Variants in PRSS41 observed in about 807,000 individuals in gnomAD.
The protein encoded by PRSS41 is serine protease 41.
A neutral mutation model predicts 28.8 loss-of-function variants in PRSS41; 37 were observed. The ratio of observed to expected loss-of-function variants is 1.29; its 90% CI spans 0.99 to 1.69. The LOEUF is 1.69. Ranked by LOEUF, PRSS41 falls within the 40% of genes most tolerant of loss-of-function variation. The pLI is 0.00. For synonymous variants in PRSS41, 195 were observed against 163.1 expected, an observed-to-expected ratio of 1.20 and a Z score of -1.49; for missense variants, 431 against 400.7, an observed-to-expected ratio of 1.08 and a Z score of -0.65.
intron 4 of PRSS41, among the ~76,000 whole-genome samples, chr16:2,803,805 A>T (rs1171673638): frequency 6.6e-6 from 1 of 152,174 alleles, no homozygotes; most frequent in Non-Finnish European, 1.5e-5. Context: ...TTTTCCTGAT[A>T]TAAAATTCTT....
At chr16:2,801,691 A>G (rs1332115869) in intron 4 of PRSS41, among the ~76,000 whole-genome samples, 11 of 151,698 alleles carry the variant, frequency 7.3e-5, no homozygotes, top group South Asian at 2.1e-4. Flanking sequence ...CCAAGGCAGA[A>G]GAATTTTTCT....
At position 2,802,860 on chromosome 16, in the gene PRSS41, GGGGAGAGGGAGA is replaced by G. The variant is rs373843276; in HGVS notation, c.542-1506_542-1495del. Among the ~76,000 whole-genome samples the G allele has an allele frequency of 6.2e-3, 932 of 150,076 alleles. 10 individuals are homozygous for G. The highest frequency in any genetic ancestry group is 0.024 in the South Asian group (115 of 4,806). ...CGGCTCCGCATGAGAGGGAGACCGT[GGGGAGAGGGAGA>G]GGGAGAGGGAGAGGGAGAGGGACGT... On this transcript the variant is annotated intron_variant, in intron 4 of 5. Coordinates refer to ENST00000399677, the Ensembl canonical transcript of PRSS41.
At chr16:2,800,542 CAAAA>C (rs56393015) in intron 4 of PRSS41, among the ~76,000 whole-genome samples, 29 of 81,942 alleles carry the variant, frequency 3.5e-4, no homozygotes, top group African/African-American at 1.0e-3. Flanking sequence ...GACTCCATCT[CAAAA>C]AAAAAAAAAA....
At chr16:2,804,198 A>G (rs1206853359) in intron 4 of PRSS41, among the ~76,000 whole-genome samples, 191 bp from the exon 5 acceptor site, 1 of 152,146 alleles carries the variant, frequency 6.6e-6, no homozygotes, top group Non-Finnish European at 1.5e-5. Context: ...TGGCCCATCT[A>G]TTGGGTTATT....
chr16:2,801,736 A>T (rs1230348225), intron 4 of PRSS41, among the ~76,000 whole-genome samples: 2 of 152,144 alleles, frequency 1.3e-5, no homozygotes, highest in Non-Finnish European at 2.9e-5. Context: ...TCCCATGTCT[A>T]CCTCTTTCTA....
intron 3 of PRSS41, 58 bp from the exon 4 acceptor site, chr16:2,799,228 T>C: frequency 1.3e-6 from 2 of 1,532,092 alleles, no homozygotes; most frequent in Non-Finnish European, 1.8e-6. Flanking sequence ...GCCTCCAGCG[T>C]GCTCAGGCGG....
chr16:2,801,432 A>G (rs2068985565), intron 4 of PRSS41, among the ~76,000 whole-genome samples: 1 of 150,466 alleles, frequency 6.6e-6, no homozygotes, highest in African/African-American at 2.5e-5. Context: ...AGGGAAGGTC[A>G]GCAGATAAAC....
Position 2,798,641 on chromosome 16 carries a change from CA to C in PRSS41, c.71del (p.Gln24ArgfsTer38). The C allele has an allele frequency of 6.7e-7, 1 of 1,495,460 alleles. No individual in the cohort carries two copies. The highest frequency in any genetic ancestry group is 2.4e-5 in the Admixed American group (1 of 41,150). The allele number at this position is 1,495,460 out of a possible 1,614,324, so 92.6% of individuals were successfully genotyped here. A position where few individuals can be genotyped will look rare whatever the true frequency, so the allele number is the denominator to read the frequency against. ...TCACTTCTTGTGTCCTGCAGAGTCG[CA>C]GGAGGAGGAGCTGTTGTCAGGTAGG... On this transcript the variant is annotated frameshift_variant, in exon 2 of 6. Transcript: ENST00000399677. LOFTEE classifies it high-confidence loss of function.
chr16:2,798,510 T>G (rs1281833182), exon 1 of PRSS41: 1 of 1,310,734 alleles, frequency 7.6e-7, no homozygotes, highest in African/African-American at 1.4e-5. Context: ...GCGCTGCTGC[T>G]GGCGCTGCTG....
intron 2 of PRSS41, 51 bp from the exon 3 acceptor site, chr16:2,798,908 G>GCCCCCCCCCCCCC: frequency 7.1e-7 from 1 of 1,415,402 alleles, no homozygotes; most frequent in Non-Finnish European, 9.4e-7. Context: ...GGGCGGGCCT[G>GCCCCCCCCCCCCC]CCCACCCCAC....
exon 2 of PRSS41, chr16:2,798,643 G>A (rs942453849): frequency 7.0e-5 from 104 of 1,495,090 alleles, no homozygotes; most frequent in Non-Finnish European, 9.0e-5. Context: ...CAGAGTCGCA[G>A]GAGGAGGAGC....
exon 6 of PRSS41, chr16:2,804,973 C>T (rs773087325): frequency 1.6e-5 from 25 of 1,587,678 alleles, no homozygotes; most frequent in Non-Finnish European, 2.1e-5. Context: ...AGGTTGGAAT[C>T]GTGAGCTGGG....
intron 4 of PRSS41, 85 bp from the exon 5 acceptor site, chr16:2,804,304 C>G: frequency 6.8e-7 from 1 of 1,462,314 alleles, no homozygotes. Flanking sequence ...CTCCCCACCC[C>G]TATAACACAT....
chr16:2,801,976 C>T (rs1191862649), intron 4 of PRSS41, among the ~76,000 whole-genome samples: 1 of 149,694 alleles, frequency 6.7e-6, no homozygotes, highest in African/African-American at 2.5e-5. Flanking sequence ...GGGGCTGACC[C>T]CCCCACCTCC....
chr16:2,801,243 G>C (rs542284538), intron 4 of PRSS41, among the ~76,000 whole-genome samples: 3 of 151,986 alleles, frequency 2.0e-5, no homozygotes, highest in African/African-American at 7.3e-5. Context: ...ATGTTTTGGC[G>C]ATCTGTTGTT....
intron 4 of PRSS41, 72 bp from the exon 5 acceptor site, chr16:2,804,317 C>G: frequency 6.6e-7 from 1 of 1,507,804 alleles, no homozygotes; most frequent in Non-Finnish European, 9.0e-7. Context: ...TAACACATGC[C>G]CTTTCTCCTC....
In PRSS41 at chr16:2,799,526, G is replaced by A. The variant is rs150444457; in HGVS notation, c.498G>A (p.Pro166=). The A allele has an allele frequency of 2.8e-4, 440 of 1,551,806 alleles. 6 individuals are homozygous for A. The East Asian group carries it at 0.01, about 37-fold the overall frequency. Residue 166 remains proline (P), a synonymous_variant, in exon 4 of 6, where the codon CCG becomes CCA. Coordinates refer to ENST00000399677, the Ensembl canonical transcript of PRSS41. Reference sequence around the variant, plus strand: ...CCACCTTCAACTTCGTGCACCGGCCGGACTGCTGGGTGACCGGCTGGGGGT... The same window carrying A: ...CCACCTTCAACTTCGTGCACCGGCCAGACTGCTGGGTGACCGGCTGGGGGT...
intron 4 of PRSS41, 95 bp from the exon 5 acceptor site, chr16:2,804,294 C>A: frequency 7.3e-7 from 1 of 1,364,000 alleles, no homozygotes; most frequent in Middle Eastern, 2.6e-4. Flanking sequence ...CAGGGACCTT[C>A]TCCCCACCCC....
At chr16:2,802,393 C>G (rs1032583295) in intron 4 of PRSS41, among the ~76,000 whole-genome samples, 13 of 150,430 alleles carry the variant, frequency 8.6e-5, no homozygotes, top group South Asian at 2.1e-4. Context: ...TCCTCACTTT[C>G]CAGACTGGGC....
Sources: gnomAD v4.1 joint callset for allele counts (sites outside exome capture counted in the v4.1 genomes callset) on GRCh38, gnomAD v4.1.1 for gene constraint, MANE v1.5 for transcripts, NCBI Gene and HGNC (gene_info 2026-07-23, HGNC 2026-07-21) for gene names.